The following KATNIP variants were observed in gnomAD, a reference collection of about 807,000 sequenced individuals.
The protein encoded by KATNIP is katanin interacting protein.
In KATNIP, 126 loss-of-function variants were observed where a neutral mutation model predicts 174.0. The ratio of observed to expected loss-of-function variants is 0.72; its 90% CI spans 0.63 to 0.84. The LOEUF is 0.84. Among genes scored for constraint, KATNIP ranks in the 40% least tolerant of loss-of-function variants. KATNIP has a pLI of 0.00. For missense variants in KATNIP, 1,958 were observed against 2,109.7 expected, an observed-to-expected ratio of 0.93 and a Z score of 1.41; for synonymous variants, 810 against 835.7, an observed-to-expected ratio of 0.97 and a Z score of 0.53.
chr16:27,778,967 G>A lies in KATNIP; in HGVS notation c.*338G>A, dbSNP rs2082602407. On this transcript the variant is annotated 3_prime_UTR_variant, in exon 28 of 28. Transcript: ENST00000261588. The stretch of plus-strand genomic sequence containing the variant: ...CTGACTCAGAACAGGACAATGACGG[G>A]GTGGGGAGGCATCCCATCCAGCCTC... 3.9e-6 allele frequency: 1 copy of A among 253,474 alleles called. No individual in the cohort carries two copies. The highest frequency in any genetic ancestry group is 7.4e-6 in the Non-Finnish European group (1 of 134,264). 15.7% of individuals were successfully genotyped at this position (253,474 alleles called of 1,614,324 possible).
rs113909922 is a variant in KATNIP at position 27,587,170 on chromosome 16, G to C, written c.63+13214G>C. On this transcript the variant is annotated intron_variant, in intron 2 of 27. Transcript: ENST00000261588. ...GCTGCAGAATGGAGCTGAAAATAGA[G>C]TACCTCCTCCTGGAGTTGTTGAGAG... 9.4e-3 allele frequency among the ~76,000 whole-genome samples: 1,433 copies of C among 152,226 alleles called. 23 individuals carry two copies. The highest frequency in any genetic ancestry group is 0.033 in the African/African-American group (1,374 of 41,536).
intron 19 of KATNIP, among the ~76,000 whole-genome samples, chr16:27,765,554 C>G (rs2082092776): frequency 6.6e-6 from 1 of 152,188 alleles, no homozygotes; most frequent in South Asian, 2.1e-4. Context: ...TGTTCCAAGC[C>G]AAGAGCTGCA....
intron 14 of KATNIP, among the ~76,000 whole-genome samples, chr16:27,734,990 T>G (rs1425216402): frequency 6.6e-6 from 1 of 152,230 alleles, no homozygotes; most frequent in South Asian, 2.1e-4. Flanking sequence ...CAGTCTGTTA[T>G]CCTTTAAACA....
At chr16:27,634,056 A>C (rs900599462) in intron 5 of KATNIP, among the ~76,000 whole-genome samples, 1 of 152,156 alleles carries the variant, frequency 6.6e-6, no homozygotes, top group Non-Finnish European at 1.5e-5. Flanking sequence ...CAGTTCTTCT[A>C]CTTGTTTTGA....
At chr16:27,717,276 AT>A (rs1382682248) in intron 13 of KATNIP, among the ~76,000 whole-genome samples, 1 of 152,132 alleles carries the variant, frequency 6.6e-6, no homozygotes, top group Non-Finnish European at 1.5e-5. Context: ...TAATGCAATA[AT>A]TTATTAAATT....
At chr16:27,681,874 T>G (rs2078356580) in intron 8 of KATNIP, among the ~76,000 whole-genome samples, 1 of 152,196 alleles carries the variant, frequency 6.6e-6, no homozygotes, top group East Asian at 1.9e-4. Flanking sequence ...AGCCGTCACC[T>G]GATTGGCCGA....
In KATNIP at chr16:27,554,240, A is replaced by G. The variant is rs143777302; in HGVS notation, c.7+4063A>G. Among the ~76,000 whole-genome samples, 105 of 152,260 alleles carry G rather than the reference A, an allele frequency of 6.9e-4. 2 individuals are homozygous for G. In the East Asian group the frequency reaches 0.019, roughly 27 times the overall value. ...GCACTTTGAGAGGCCAAGGTGGGCG[A>G]TCACCTGAGGTCGGGAGTTTGAGAC... On this transcript the variant is annotated intron_variant, in intron 1 of 27. Transcript: ENST00000261588.
intron 12 of KATNIP, among the ~76,000 whole-genome samples, chr16:27,705,408 G>A (rs2079261402): frequency 6.6e-6 from 1 of 152,068 alleles, no homozygotes; most frequent in African/African-American, 2.4e-5. Flanking sequence ...GGCCTGGCCT[G>A]GACTAGAGTT....
intron 1 of KATNIP, among the ~76,000 whole-genome samples, chr16:27,550,595 TA>T (rs917442687): frequency 6.6e-6 from 1 of 152,134 alleles, no homozygotes; most frequent in African/African-American, 2.4e-5. Context: ...GAAGGGAGTT[TA>T]GGAAATACTC....
intron 3 of KATNIP, among the ~76,000 whole-genome samples, chr16:27,625,097 T>C (rs1227585572): frequency 6.6e-6 from 1 of 152,188 alleles, no homozygotes; most frequent in Non-Finnish European, 1.5e-5. Context: ...AGGACAGCTT[T>C]TTATGCAAAG....
At chr16:27,668,614 G>A (rs1249191432) in intron 6 of KATNIP, among the ~76,000 whole-genome samples, 2 of 152,192 alleles carry the variant, frequency 1.3e-5, no homozygotes, top group Non-Finnish European at 2.9e-5. Context: ...CATACCCTGG[G>A]TCTGCCATTA....
intron 2 of KATNIP, among the ~76,000 whole-genome samples, chr16:27,597,409 T>C (rs1357790604): frequency 2.3e-5 from 3 of 130,614 alleles, no homozygotes; most frequent in East Asian, 4.0e-4. Flanking sequence ...TTTCTTTTTT[T>C]TTTTTTTTTT....
At chr16:27,564,281 C>A (rs866400581) in intron 1 of KATNIP, among the ~76,000 whole-genome samples, 2 of 152,124 alleles carry the variant, frequency 1.3e-5, no homozygotes, top group African/African-American at 2.4e-5. Flanking sequence ...AGTGCCTTAA[C>A]CCTGACAATA....
chr16:27,679,300 G>T (rs139996214), intron 7 of KATNIP, among the ~76,000 whole-genome samples: 23 of 152,222 alleles, frequency 1.5e-4, no homozygotes, highest in Non-Finnish European at 1.3e-4. Context: ...TCTTCCTGTG[G>T]TCTTCCCTCT....
At chr16:27,765,492 G>C (rs910803109) in intron 19 of KATNIP, among the ~76,000 whole-genome samples, 1 of 152,196 alleles carries the variant, frequency 6.6e-6, no homozygotes, top group African/African-American at 2.4e-5. Context: ...TGCGGTCACA[G>C]AGCATGGTCC....
At position 27,637,043 on chromosome 16, in the gene KATNIP, G is replaced by A. The variant is rs959756640; in HGVS notation, c.408+5881G>A. Among the ~76,000 whole-genome samples the A allele has an allele frequency of 1.4e-4, 22 of 152,340 alleles. No homozygotes were observed. The highest frequency in any genetic ancestry group is 2.4e-4 in the Non-Finnish European group (16 of 68,036). On this transcript the variant is annotated intron_variant, in intron 5 of 27. Transcript: ENST00000261588. The surrounding 1 kb of genome is among the most constrained non-coding windows in gnomAD (Gnocchi z 4.7). ...AGACGCTTAACCCCTTGGTGCCTGC[G>A]CTCTCATTTGTCATGTGAGGTTGGT...
At chr16:27,579,566 G>A (rs1336276260) in intron 2 of KATNIP, among the ~76,000 whole-genome samples, 1 of 152,130 alleles carries the variant, frequency 6.6e-6, no homozygotes, top group African/African-American at 2.4e-5. Context: ...TTTCACAGAA[G>A]GGGCCTCCCT....
In KATNIP at chr16:27,555,792, C is replaced by T. The variant is rs567120815; in HGVS notation, c.7+5615C>T. Among the ~76,000 whole-genome samples the T allele has an allele frequency of 5.6e-3, 830 of 148,682 alleles. 12 individuals are homozygous for T. Among genetic ancestry groups the T allele is most frequent in the African/African-American group, 0.02 (787 of 40,200 alleles). On this transcript the variant is annotated intron_variant, in intron 1 of 27. Transcript: ENST00000261588. ...CAGAGGTTGTGGTGAGCCGAGATTGCGCCATTGCACTCCAGCCTGGGCAAC... is the reference window on the plus strand; with the variant it reads ...CAGAGGTTGTGGTGAGCCGAGATTGTGCCATTGCACTCCAGCCTGGGCAAC...
At chr16:27,661,947 T>C (rs1226863758) in intron 6 of KATNIP, among the ~76,000 whole-genome samples, 13 of 65,252 alleles carry the variant, frequency 2.0e-4, no homozygotes, top group African/African-American at 6.2e-4. Context: ...TATATATATA[T>C]ATATATATAC....
Sources: allele counts gnomAD v4.1 joint callset (sites outside exome capture counted in the v4.1 genomes callset), GRCh38; gene constraint gnomAD v4.1.1; non-coding constraint Gnocchi (gnomAD v3.1); transcripts MANE v1.5; gene names NCBI Gene and HGNC (gene_info 2026-07-23, HGNC 2026-07-21).